Variants in ADK observed in about 807,000 individuals in gnomAD.
ADK encodes N6,N6-dimethyladenosine kinase.
Under a neutral mutation model 44.7 loss-of-function variants are expected in ADK, and 24 were observed. The observed-to-expected ratio is 0.54, with a 90% CI of 0.39 to 0.76. The LOEUF is 0.76. Among genes scored for constraint, ADK ranks in the 30% least tolerant of loss-of-function variants. The pLI is 0.00. For missense variants in ADK, 321 were observed against 425.1 expected (o/e 0.76, Z 2.15); for synonymous variants, 128 against 142.6 (o/e 0.90, Z 0.73).
At chr10:74,489,120 GC>G (rs1847376735) in intron 6 of ADK, among the ~76,000 whole-genome samples, 1 of 151,864 alleles carries the variant, frequency 6.6e-6, no homozygotes, top group South Asian at 2.1e-4. Flanking sequence ...GACTGGACAG[GC>G]TTTGAGTAGT....
At chr10:74,299,332 T>TAAA (rs35091445) in intron 3 of ADK, among the ~76,000 whole-genome samples, 2 of 134,268 alleles carry the variant, frequency 1.5e-5, no homozygotes, top group African/African-American at 2.8e-5. Flanking sequence ...CATCTCTACT[T>TAAA]AAAAAAAAAA....
intron 4 of ADK, among the ~76,000 whole-genome samples, chr10:74,363,448 G>A (rs1842403277): frequency 6.6e-6 from 1 of 152,184 alleles, no homozygotes; most frequent in Non-Finnish European, 1.5e-5. Context: ...GATGGAGGTT[G>A]ATGTGCTTGT....
intron 1 of ADK, among the ~76,000 whole-genome samples, chr10:74,160,096 T>C (rs150775080): frequency 5.8e-4 from 88 of 152,332 alleles, no homozygotes; most frequent in African/African-American, 2.1e-3. Context: ...TCTGCCTGTG[T>C]TACACACTAC....
intron 6 of ADK, among the ~76,000 whole-genome samples, chr10:74,502,659 T>A (rs1235255287): frequency 1.3e-5 from 2 of 152,202 alleles, no homozygotes; most frequent in African/African-American, 4.8e-5. Flanking sequence ...CCTTGTCTTG[T>A]GATGAAGCTA....
chr10:74,170,778 C>T (rs1055803389), intron 1 of ADK, among the ~76,000 whole-genome samples: 5 of 132,300 alleles, frequency 3.8e-5, no homozygotes, highest in East Asian at 4.3e-4. Context: ...CCAGCCTGGG[C>T]GACAGAGCAA....
chr10:74,399,056 G>A lies in ADK; in HGVS notation c.555+477G>A, dbSNP rs188209723. Among the ~76,000 whole-genome samples the A allele has an allele frequency of 6.7e-4, 102 of 151,872 alleles. No individual in the cohort carries two copies. The South Asian group carries it at 7.7e-3, about 11-fold the overall frequency. On this transcript the variant is annotated intron_variant, in intron 6 of 10. Transcript: ENST00000539909. ...ATTTAATATTTCAGAAACATTGATC[G>A]TGACAAATCTCTTAAATCTGGGAAC...
At chr10:74,499,916 A>G (rs930514197) in intron 6 of ADK, among the ~76,000 whole-genome samples, 1 of 152,136 alleles carries the variant, frequency 6.6e-6, no homozygotes, top group Non-Finnish European at 1.5e-5. Context: ...GATGTGTATG[A>G]AAGAGTGAGC....
At chr10:74,323,540 C>T (rs1345116341) in intron 4 of ADK, among the ~76,000 whole-genome samples, 1 of 151,984 alleles carries the variant, frequency 6.6e-6, no homozygotes, top group Non-Finnish European at 1.5e-5. Flanking sequence ...GCAACCATCA[C>T]CACAGTCAGT....
At chr10:74,547,340 T>A (rs1432729863) in intron 7 of ADK, among the ~76,000 whole-genome samples, 1 of 151,632 alleles carries the variant, frequency 6.6e-6, no homozygotes, top group African/African-American at 2.4e-5. Flanking sequence ...TTCTCCTTCA[T>A]GCCATTGCAT....
chr10:74,593,171 A>C (rs1851779109), intron 8 of ADK, among the ~76,000 whole-genome samples: 1 of 152,238 alleles, frequency 6.6e-6, no homozygotes, highest in Non-Finnish European at 1.5e-5. Context: ...ACCCTAAATC[A>C]GGCCCTGCTG....
At chr10:74,582,934 G>T (rs1253098966) in intron 7 of ADK, among the ~76,000 whole-genome samples, 6 of 152,114 alleles carry the variant, frequency 3.9e-5, no homozygotes, top group Non-Finnish European at 8.8e-5. Flanking sequence ...TCTCTTAAAA[G>T]GGGTTCCCAG....
chr10:74,501,668 G>A (rs901882501), intron 6 of ADK, among the ~76,000 whole-genome samples: 10 of 152,102 alleles, frequency 6.6e-5, no homozygotes, highest in East Asian at 5.8e-4. Flanking sequence ...AATATCATTC[G>A]TTCATAAAAA....
chr10:74,160,690 G>GGTGTGT lies in ADK; in HGVS notation c.65+9370_65+9375dup, dbSNP rs779393232. On this transcript the variant is annotated intron_variant, in intron 1 of 10. Transcript: ENST00000539909. ...GGGTGTGTGCGTGCATGCAGGTAGG[G>GGTGTGT]GTGTGTGTGTGTGTGTGTGTGTGTG... Among the ~76,000 whole-genome samples, 416 of 136,266 alleles carry GGTGTGT rather than the reference G, an allele frequency of 3.1e-3. 5 individuals are homozygous for GGTGTGT. Among genetic ancestry groups the GGTGTGT allele is most frequent in the African/African-American group, 9.9e-3 (359 of 36,186 alleles). 89.4% of individuals were successfully genotyped at this position (136,266 alleles called of 152,430 possible). A position where few individuals can be genotyped will look rare whatever the true frequency, so the allele number is the denominator to read the frequency against.
intron 7 of ADK, among the ~76,000 whole-genome samples, chr10:74,538,300 T>G (rs1849522154): frequency 6.6e-6 from 1 of 152,108 alleles, no homozygotes; most frequent in Non-Finnish European, 1.5e-5. Flanking sequence ...TCATCAGTCC[T>G]TTTGCTGGCA....
At chr10:74,212,271 A>G (rs987128595) in intron 2 of ADK, among the ~76,000 whole-genome samples, 10 of 152,246 alleles carry the variant, frequency 6.6e-5, no homozygotes, top group Admixed American at 6.5e-4. Context: ...ACTTCTAAGG[A>G]TAAGTAAACA....
chr10:74,589,426 G>A (rs1851642602), intron 8 of ADK, 109 bp downstream of exon 8: 8 of 1,144,918 alleles, frequency 7.0e-6, no homozygotes, highest in East Asian at 2.4e-5. Context: ...TCAGAGCCTC[G>A]CAGCAGTTGC....
intron 3 of ADK, among the ~76,000 whole-genome samples, chr10:74,290,927 G>A (rs1335160468): frequency 6.6e-6 from 1 of 152,100 alleles, no homozygotes; most frequent in Non-Finnish European, 1.5e-5. Flanking sequence ...TAGTTTATGA[G>A]TCATCTGGAG....
intron 10 of ADK, among the ~76,000 whole-genome samples, chr10:74,697,988 A>G (rs1302205647): frequency 6.6e-6 from 1 of 152,242 alleles, no homozygotes. Flanking sequence ...AAAAGTCTAA[A>G]TAAAATCAAC....
chr10:74,409,094 T>G (rs1320190248), intron 6 of ADK, among the ~76,000 whole-genome samples: 1 of 152,246 alleles, frequency 6.6e-6, no homozygotes. Flanking sequence ...ATATAGTTGT[T>G]CATCTATGTG....
Sources: allele counts gnomAD v4.1 joint callset (sites outside exome capture counted in the v4.1 genomes callset), GRCh38; gene constraint gnomAD v4.1.1; transcripts MANE v1.5; gene names NCBI Gene and HGNC (gene_info 2026-07-23, HGNC 2026-07-21).